PPP6R3: variants seen among roughly 807,000 people sequenced by gnomAD.
PPP6R3 encodes the protein protein phosphatase 6 regulatory subunit 3, also known as serine/threonine-protein phosphatase 6 regulatory subunit 3.
In PPP6R3, 38 loss-of-function variants were observed where a neutral mutation model predicts 110.7. That is an observed-to-expected ratio of 0.34 (90% CI 0.26 to 0.45). The LOEUF is 0.45. Among genes scored for constraint, PPP6R3 ranks in the 20% least tolerant of loss-of-function variants. The pLI is 1.00. For missense variants in PPP6R3, 870 were observed against 1,062.4 expected (o/e 0.82, Z 2.52); for synonymous variants, 369 against 373.5 (o/e 0.99, Z 0.14).
Position 68,613,101 on chromosome 11 carries a change from T to C in PPP6R3, c.2606T>C (p.Val869Ala), listed in dbSNP as rs372833751. The C allele has an allele frequency of 1.2e-6, 2 of 1,614,066 alleles. No individual in the cohort carries two copies. Among genetic ancestry groups the C allele is most frequent in the East Asian group, 2.2e-5 (1 of 44,874 alleles). ...GQPSAPGDTS[V>A]NGPV is the part of the protein sequence containing the mutation. ...CCAAGCGCACCAGGTGACACTTCAG[T>C]GAATGGCCCTGTATGACGGGTGACG... Residue 869 changes from valine to alanine, a missense_variant, in exon 24 of 24, where the codon GTG becomes GCG. Transcript: ENST00000393800.
chr11:68,475,282 C>T (rs1051953203), intron 1 of PPP6R3, among the ~76,000 whole-genome samples: 6 of 152,218 alleles, frequency 3.9e-5, no homozygotes, highest in African/African-American at 1.4e-4. Flanking sequence ...TTTCTTAGTA[C>T]AGAACAAAAT....
chr11:68,544,824 T>C lies in PPP6R3; in HGVS notation c.228-14T>C. On this transcript the variant is annotated splice_polypyrimidine_tract_variant and intron_variant, in intron 3 of 23. Transcript: ENST00000393800. Reference sequence around the variant, plus strand: ...GTTAATAAAGATGATGATGTAAATATCCTGTTCTTCTAGGTATCCAAATAT... The same window carrying C: ...GTTAATAAAGATGATGATGTAAATACCCTGTTCTTCTAGGTATCCAAATAT... 1 of 1,544,946 alleles carries C rather than the reference T, an allele frequency of 6.5e-7. No individual in the cohort carries two copies. The highest frequency in any genetic ancestry group is 8.9e-7 in the Non-Finnish European group (1 of 1,122,906).
chr11:68,509,011 A>G (rs1420138325), intron 1 of PPP6R3, among the ~76,000 whole-genome samples: 1 of 152,180 alleles, frequency 6.6e-6, no homozygotes, highest in African/African-American at 2.4e-5. Context: ...CAACTACTGA[A>G]CCACATCTGA....
At chr11:68,546,401 C>T (rs1178633082) in intron 4 of PPP6R3, among the ~76,000 whole-genome samples, 2 of 152,150 alleles carry the variant, frequency 1.3e-5, no homozygotes, top group Admixed American at 1.3e-4. Context: ...AGTTGGCGAG[C>T]CCCGATTTTC....
intron 1 of PPP6R3, among the ~76,000 whole-genome samples, chr11:68,495,747 T>C (rs772083838): frequency 6.6e-6 from 1 of 152,226 alleles, no homozygotes; most frequent in Non-Finnish European, 1.5e-5. Context: ...GATAGATACT[T>C]GGATGTTTCT....
At chr11:68,463,039 A>G (rs1188461347) in intron 1 of PPP6R3, among the ~76,000 whole-genome samples, 1 of 152,236 alleles carries the variant, frequency 6.6e-6, no homozygotes, top group Non-Finnish European at 1.5e-5. Context: ...CAGAAAATGA[A>G]TAGAAGTAAC....
chr11:68,532,358 T>C (rs1258935352), intron 2 of PPP6R3, among the ~76,000 whole-genome samples: 2 of 152,248 alleles, frequency 1.3e-5, no homozygotes, highest in South Asian at 2.1e-4. Flanking sequence ...CATTGTCATC[T>C]GTGACATCAA....
intron 1 of PPP6R3, among the ~76,000 whole-genome samples, chr11:68,493,347 ATTC>A (rs1415067848): frequency 6.6e-6 from 1 of 152,136 alleles, no homozygotes; most frequent in Non-Finnish European, 1.5e-5. Flanking sequence ...TATCACTATT[ATTC>A]TTTGTATAAA....
chr11:68,494,264 G>C (rs967979921), intron 1 of PPP6R3, among the ~76,000 whole-genome samples: 2 of 151,500 alleles, frequency 1.3e-5, no homozygotes, highest in African/African-American at 4.8e-5. Flanking sequence ...GGTGGCTCAC[G>C]CCTGTAATCC....
intron 2 of PPP6R3, among the ~76,000 whole-genome samples, chr11:68,534,446 C>T (rs531545027): frequency 1.3e-4 from 20 of 152,270 alleles, no homozygotes; most frequent in African/African-American, 4.3e-4. Flanking sequence ...CCAACACCTT[C>T]TTATTTCATC....
At chr11:68,462,514 C>G (rs897642291) in intron 1 of PPP6R3, among the ~76,000 whole-genome samples, 7 of 148,986 alleles carry the variant, frequency 4.7e-5, no homozygotes, top group African/African-American at 1.8e-4. Flanking sequence ...TGACTGCCAC[C>G]CGAATCAGTA....
intron 1 of PPP6R3, among the ~76,000 whole-genome samples, chr11:68,461,234 C>T (rs1239920128): frequency 6.6e-6 from 1 of 151,724 alleles, no homozygotes; most frequent in South Asian, 2.1e-4. Flanking sequence ...TCTCCGCTCC[C>T]GCTGGGCCTC....
At chr11:68,504,218 G>A (rs926683842) in intron 1 of PPP6R3, among the ~76,000 whole-genome samples, 1 of 150,290 alleles carries the variant, frequency 6.7e-6, no homozygotes, top group African/African-American at 2.4e-5. Context: ...AGTAGAAATT[G>A]TTTTTTTTTT....
At chr11:68,534,636 T>C (rs1304563371) in intron 2 of PPP6R3, among the ~76,000 whole-genome samples, 1 of 152,218 alleles carries the variant, frequency 6.6e-6, no homozygotes, top group Non-Finnish European at 1.5e-5. Context: ...GGTGAACGTA[T>C]ACCCTGTTTA....
chr11:68,554,359 G>A, intron 7 of PPP6R3, 102 bp downstream of exon 7: 1 of 864,492 alleles, frequency 1.2e-6, no homozygotes, highest in East Asian at 3.0e-5. Context: ...GGAATCATGT[G>A]CCTTGAAAAT....
Position 68,600,492 on chromosome 11 carries a change from G to C in PPP6R3, c.2190G>C (p.Leu730=). The C allele has an allele frequency of 1.2e-6, 2 of 1,612,736 alleles. No individual in the cohort carries two copies. The highest frequency in any genetic ancestry group is 8.5e-7 in the Non-Finnish European group (1 of 1,179,612). The change falls in exon 20 of 24, where the codon CTG becomes CTC. Residue 730 remains leucine (L), a splice_region_variant and synonymous_variant. Coordinates refer to ENST00000393800, the MANE Select transcript of PPP6R3 (RefSeq NM_001164161.2). ...CTTTTTCAGAGTTCACGTCTTCCCT[G>C]AGGTGAGCGAACATGTGCTGTCTCT... is the stretch of plus-strand genomic sequence containing the variant. ...WASFSEFTSS[L]STKDSLRSNS... is the part of the protein sequence containing the mutation.
At chr11:68,594,505 A>G (rs894763336) in intron 18 of PPP6R3, among the ~76,000 whole-genome samples, 5 of 152,222 alleles carry the variant, frequency 3.3e-5, no homozygotes, top group African/African-American at 1.2e-4. Flanking sequence ...TTTTTAAAAA[A>G]AGAAAAAATT....
At chr11:68,486,138 A>T (rs1052594738) in intron 1 of PPP6R3, among the ~76,000 whole-genome samples, 3 of 151,924 alleles carry the variant, frequency 2.0e-5, no homozygotes, top group Non-Finnish European at 4.4e-5. Context: ...TTTTTTATAT[A>T]TAATGCTTTT....
chr11:68,580,584 C>G (rs982342733), intron 14 of PPP6R3, among the ~76,000 whole-genome samples: 9 of 151,770 alleles, frequency 5.9e-5, no homozygotes, highest in African/African-American at 2.2e-4. Context: ...ACAAGATGAC[C>G]GAGGTTTCTA....
Sources: gnomAD v4.1 joint callset for allele counts (sites outside exome capture counted in the v4.1 genomes callset) on GRCh38, gnomAD v4.1.1 for gene constraint, MANE v1.5 for transcripts, NCBI Gene and HGNC (gene_info 2026-07-23, HGNC 2026-07-21) for gene names.